The following NCAM1 variants were observed in gnomAD, a reference collection of about 807,000 sequenced individuals.
NCAM1 encodes the protein neural cell adhesion molecule 1, also known as antigen recognized by monoclonal antibody 5.1H11.
A neutral mutation model predicts 109.8 loss-of-function variants in NCAM1; 14 were observed. That is an observed-to-expected ratio of 0.13 (90% CI 0.08 to 0.20). The LOEUF (loss-of-function observed/expected upper bound fraction) is 0.20. Among genes scored for constraint, NCAM1 ranks in the 10% least tolerant of loss-of-function variants. The pLI is 1.00. For missense variants in NCAM1, 774 were observed against 1,109.9 expected, an observed-to-expected ratio of 0.70 and a Z score of 4.30; for synonymous variants, 418 against 442.9, an observed-to-expected ratio of 0.94 and a Z score of 0.70.
chr11:113,214,273 C>G, intron 7 of NCAM1, 96 bp from the exon 8 acceptor site: 2 of 1,340,938 alleles, frequency 1.5e-6, no homozygotes, highest in Non-Finnish European at 2.1e-6. Flanking sequence ...TTGTACTTAG[C>G]AGACAGCTAA....
intron 1 of NCAM1, among the ~76,000 whole-genome samples, chr11:113,047,831 A>C (rs537844920): frequency 6.6e-6 from 1 of 152,186 alleles, no homozygotes; most frequent in Non-Finnish European, 1.5e-5. Flanking sequence ...CGTATTCACT[A>C]TCATGAAAAC....
chr11:113,055,370 A>C (rs957896591), intron 1 of NCAM1, among the ~76,000 whole-genome samples: 1 of 152,206 alleles, frequency 6.6e-6, no homozygotes, highest in Non-Finnish European at 1.5e-5. Context: ...GAGGAATGCA[A>C]AAGTAGAAAA....
chr11:112,975,438 C>T (rs1019101602), intron 1 of NCAM1, among the ~76,000 whole-genome samples: 2 of 151,908 alleles, frequency 1.3e-5, no homozygotes, highest in Non-Finnish European at 2.9e-5. Context: ...AGACCACGTT[C>T]AAAAAGTTTT....
At chr11:113,017,320 A>T (rs952601373) in intron 1 of NCAM1, among the ~76,000 whole-genome samples, 1 of 152,244 alleles carries the variant, frequency 6.6e-6, no homozygotes, top group Non-Finnish European at 1.5e-5. Context: ...GTGTTTAGAC[A>T]TGAACAAACT....
At chr11:113,068,856 G>A (rs1436607821) in intron 1 of NCAM1, among the ~76,000 whole-genome samples, 2 of 152,078 alleles carry the variant, frequency 1.3e-5, no homozygotes, top group African/African-American at 4.8e-5. Context: ...CCTTAAATGA[G>A]CATAATAGTA....
At chr11:113,083,052 T>G (rs1345730725) in intron 1 of NCAM1, among the ~76,000 whole-genome samples, 2 of 151,472 alleles carry the variant, frequency 1.3e-5, no homozygotes, top group South Asian at 2.1e-4. Flanking sequence ...GAATGTTGTT[T>G]TTTTTTTTCT....
At chr11:112,965,481 G>A (rs1291665214) in intron 1 of NCAM1, among the ~76,000 whole-genome samples, 7 of 152,212 alleles carry the variant, frequency 4.6e-5, no homozygotes, top group African/African-American at 1.7e-4. Context: ...TCTGTCACAA[G>A]GAACAATGTC....
intron 1 of NCAM1, among the ~76,000 whole-genome samples, chr11:113,004,360 G>C (rs1951836869): frequency 6.6e-6 from 1 of 152,058 alleles, no homozygotes; most frequent in Non-Finnish European, 1.5e-5. Flanking sequence ...GGGCATGGTG[G>C]CACGTGCCTG....
intron 1 of NCAM1, among the ~76,000 whole-genome samples, chr11:113,030,441 T>C (rs1555078153): frequency 6.6e-6 from 1 of 152,226 alleles, no homozygotes; most frequent in African/African-American, 2.4e-5. Context: ...GACAACATCA[T>C]CTACAGATAC....
intron 1 of NCAM1, among the ~76,000 whole-genome samples, chr11:113,036,346 C>T (rs1952884500): frequency 1.3e-5 from 2 of 152,112 alleles, no homozygotes; most frequent in African/African-American, 4.8e-5. Flanking sequence ...CCCTCTCCAG[C>T]ACTCCACCAC....
intron 1 of NCAM1, among the ~76,000 whole-genome samples, chr11:113,032,838 T>C (rs947237350): frequency 1.3e-5 from 2 of 152,204 alleles, no homozygotes; most frequent in Non-Finnish European, 2.9e-5. Flanking sequence ...TTCTTATACT[T>C]AGCTGGATAT....
intron 16 of NCAM1, among the ~76,000 whole-genome samples, chr11:113,259,590 A>G (rs554400579): frequency 2.6e-5 from 4 of 152,230 alleles, no homozygotes; most frequent in African/African-American, 7.2e-5. Flanking sequence ...TGTTGGCCCA[A>G]TGCCACACTG....
intron 1 of NCAM1, among the ~76,000 whole-genome samples, chr11:113,054,689 T>G (rs1555082264): frequency 6.6e-6 from 1 of 152,194 alleles, no homozygotes; most frequent in Non-Finnish European, 1.5e-5. Flanking sequence ...TCTCCAAGTC[T>G]TTTTAGACAA....
intron 1 of NCAM1, among the ~76,000 whole-genome samples, chr11:113,132,082 C>T (rs1941412381): frequency 6.6e-6 from 1 of 152,144 alleles, no homozygotes; most frequent in Admixed American, 6.5e-5. Flanking sequence ...AAACGCACAT[C>T]CTCTCCCTCC....
At chr11:112,970,937 G>A (rs1362095635) in intron 1 of NCAM1, among the ~76,000 whole-genome samples, 1 of 152,108 alleles carries the variant, frequency 6.6e-6, no homozygotes, top group Non-Finnish European at 1.5e-5. Flanking sequence ...AAAGATCTTT[G>A]AAGTTACAAA....
At chr11:113,210,803 C>CAA (rs1388309487) in intron 7 of NCAM1, among the ~76,000 whole-genome samples, 1 of 150,828 alleles carries the variant, frequency 6.6e-6, no homozygotes, top group African/African-American at 2.4e-5. Flanking sequence ...CACACACACA[C>CAA]ACACACACAC....
chr11:112,978,334 A>G (rs781856213), intron 1 of NCAM1, among the ~76,000 whole-genome samples: 3 of 151,850 alleles, frequency 2.0e-5, no homozygotes, highest in Non-Finnish European at 4.4e-5. Context: ...TTTTTAGAAA[A>G]TACGTGATTC....
At chr11:113,113,843 T>C (rs541757773) in intron 1 of NCAM1, among the ~76,000 whole-genome samples, 1 of 152,334 alleles carries the variant, frequency 6.6e-6, no homozygotes, top group South Asian at 2.1e-4. Context: ...ATACAGGGCT[T>C]TAAAATCAAC....
intron 14 of NCAM1, chr11:113,240,683 T>A (rs1945294369): frequency 1.9e-6 from 2 of 1,058,946 alleles, no homozygotes; most frequent in Non-Finnish European, 2.9e-6. Context: ...TCACTTCAGC[T>A]CCTCATACTG....
Sources: gnomAD v4.1 joint callset for allele counts (sites outside exome capture counted in the v4.1 genomes callset) on GRCh38, gnomAD v4.1.1 for gene constraint, MANE v1.5 for transcripts, NCBI Gene and HGNC (gene_info 2026-07-23, HGNC 2026-07-21) for gene names.